Variants in STK17A observed in about 807,000 individuals in gnomAD.
STK17A encodes serine/threonine kinase 17a, also known as serine/threonine-protein kinase 17A.
STK17A carries 26 observed loss-of-function variants against 43.7 expected under a neutral mutation model. The observed-to-expected ratio is 0.60, with a 90% CI of 0.44 to 0.83. The LOEUF (loss-of-function observed/expected upper bound fraction) is 0.83. Among genes scored for constraint, STK17A ranks in the 40% least tolerant of loss-of-function variants. The pLI is 0.00. For missense variants in STK17A, 476 were observed against 511.6 expected (o/e 0.93, Z 0.67); for synonymous variants, 191 against 182.5 (o/e 1.05, Z -0.38).
intron 2 of STK17A, 72 bp from the exon 3 acceptor site, chr7:43,608,184 C>A: frequency 7.1e-7 from 1 of 1,408,800 alleles, no homozygotes; most frequent in East Asian, 2.4e-5. Context: ...AATTAATTTA[C>A]TCTGTAGTTT....
chr7:43,593,571 C>G (rs1469347125), intron 1 of STK17A, among the ~76,000 whole-genome samples: 1 of 152,070 alleles, frequency 6.6e-6, no homozygotes, highest in Non-Finnish European at 1.5e-5. Context: ...TTACTAATAG[C>G]CATTCCAACT....
At chr7:43,610,577 G>C (rs2082769624) in intron 3 of STK17A, among the ~76,000 whole-genome samples, 1 of 151,962 alleles carries the variant, frequency 6.6e-6, no homozygotes, top group African/African-American at 2.4e-5. Context: ...TGAGGGGGGA[G>C]AATCGCTTGA....
At chr7:43,591,380 T>C (rs895901761) in intron 1 of STK17A, among the ~76,000 whole-genome samples, 2 of 151,588 alleles carry the variant, frequency 1.3e-5, no homozygotes, top group African/African-American at 4.8e-5. Flanking sequence ...ACCCATTCAT[T>C]TACCTTTCTT....
At chr7:43,603,106 G>A (rs1285299460) in intron 2 of STK17A, among the ~76,000 whole-genome samples, 3 of 152,040 alleles carry the variant, frequency 2.0e-5, no homozygotes, top group Non-Finnish European at 2.9e-5. Context: ...GGTCACCCTG[G>A]TTTCAATCCT....
chr7:43,624,630 G>C lies in STK17A; in HGVS notation c.1033G>C (p.Glu345Gln), dbSNP rs1043074470. The change falls in exon 7 of 7, where the codon GAA becomes CAA. Residue 345 changes from glutamate to glutamine, a missense_variant. Transcript: ENST00000319357. ...KALEEANALQ[E>Q]GHSVPEINSD... Reference sequence around the variant, plus strand: ...ACTAGAAGAAGCAAATGCCCTCCAAGAAGGTCATTCTGTGCCTGAAATTAA... The same window carrying C: ...ACTAGAAGAAGCAAATGCCCTCCAACAAGGTCATTCTGTGCCTGAAATTAA... The C allele has an allele frequency of 2.5e-6, 4 of 1,614,096 alleles. No homozygotes were observed. The South Asian group carries it at 3.3e-5, about 13-fold the overall frequency.
At chr7:43,610,682 A>G (rs574986537) in intron 3 of STK17A, among the ~76,000 whole-genome samples, 8 of 152,282 alleles carry the variant, frequency 5.3e-5, no homozygotes, top group African/African-American at 1.9e-4. Flanking sequence ...AAGAACTGCT[A>G]TATGGCACAT....
chr7:43,611,910 CTAAT>C (rs1373707789), intron 3 of STK17A, among the ~76,000 whole-genome samples: 12 of 152,276 alleles, frequency 7.9e-5, no homozygotes, highest in African/African-American at 2.9e-4. Flanking sequence ...TATTCAAGAA[CTAAT>C]TAAGTAGCAA....
intron 2 of STK17A, among the ~76,000 whole-genome samples, chr7:43,596,368 T>C (rs1405002247): frequency 1.3e-5 from 2 of 152,246 alleles, no homozygotes; most frequent in Non-Finnish European, 2.9e-5. Context: ...ACAATTTTAT[T>C]AGAGGCATTC....
At chr7:43,623,504 T>TA in intron 4 of STK17A, 68 bp from the exon 5 acceptor site, 1 of 1,382,090 alleles carries the variant, frequency 7.2e-7, no homozygotes, top group Non-Finnish European at 1.0e-6. Context: ...CTTAGTTTTT[T>TA]ATCTCTTAGA....
chr7:43,597,775 A>G (rs891091983), intron 2 of STK17A, among the ~76,000 whole-genome samples: 34 of 152,116 alleles, frequency 2.2e-4, no homozygotes, highest in Admixed American at 7.2e-4. Flanking sequence ...TCTACAAAAA[A>G]TACAAAAATT....
At position 43,602,819 on chromosome 7, in the gene STK17A, C is replaced by G. The variant is rs2082564703; in HGVS notation, c.420-5437C>G. Among the ~76,000 whole-genome samples, 2 of 152,172 alleles carry G rather than the reference C, an allele frequency of 1.3e-5. 1 individual carries two copies. The highest frequency in any genetic ancestry group is 4.1e-4 in the South Asian group (2 of 4,834). The stretch of plus-strand genomic sequence containing the variant: ...TTTTGTTTCCAACCTCTGCCCCTTT[C>G]TTAAGCTCCAGCTGCCTGTTGCGTA... On this transcript the variant is annotated intron_variant, in intron 2 of 6. Coordinates refer to ENST00000319357, the MANE Select transcript of STK17A (RefSeq NM_004760.3).
chr7:43,620,245 A>C (rs2083738710), intron 4 of STK17A, among the ~76,000 whole-genome samples: 1 of 152,252 alleles, frequency 6.6e-6, no homozygotes, highest in Non-Finnish European at 1.5e-5. Context: ...TAGGCGTATC[A>C]TCAAAGAAGT....
At chr7:43,620,941 G>A (rs2083824848) in intron 4 of STK17A, among the ~76,000 whole-genome samples, 1 of 152,134 alleles carries the variant, frequency 6.6e-6, no homozygotes. Context: ...GAGGGTAGAA[G>A]TGTGAAGTGA....
At chr7:43,586,075 A>C (rs568552295) in intron 1 of STK17A, among the ~76,000 whole-genome samples, 1 of 151,654 alleles carries the variant, frequency 6.6e-6, no homozygotes, top group Admixed American at 6.6e-5. Flanking sequence ...TTTTCCAACA[A>C]TTAACTCTGG....
intron 2 of STK17A, among the ~76,000 whole-genome samples, chr7:43,606,916 CTTTTTT>C (rs71011933): frequency 4.8e-5 from 3 of 62,638 alleles, no homozygotes; most frequent in South Asian, 6.5e-4. Flanking sequence ...TTTCGATTTT[CTTTTTT>C]TTTTTTTTTT....
chr7:43,621,709 G>C (rs922616668), intron 4 of STK17A, among the ~76,000 whole-genome samples: 1 of 152,052 alleles, frequency 6.6e-6, no homozygotes, highest in Non-Finnish European at 1.5e-5. Context: ...AGAGCTTTCT[G>C]TTCCTTAGTA....
Position 43,624,890 on chromosome 7 carries a change from ATAT to A in STK17A, c.*53_*55del. 6.7e-7 allele frequency: 1 copy of A among 1,487,024 alleles called. No homozygotes were observed. Among genetic ancestry groups the A allele is most frequent in the East Asian group, 2.3e-5 (1 of 43,824 alleles). 92.1% of individuals were successfully genotyped at this position (1,487,024 alleles called of 1,614,324 possible). A position where few individuals can be genotyped will look rare whatever the true frequency, so the allele number is the denominator to read the frequency against. On this transcript the variant is annotated 3_prime_UTR_variant, in exon 7 of 7. Transcript: ENST00000319357. ...CAAGATTTCTACATTGAAAATGTTA[ATAT>A]TATTTATGGACCTCTGGCCAAATGG...
chr7:43,617,553 A>T (rs1164969380), intron 3 of STK17A, among the ~76,000 whole-genome samples: 1 of 152,200 alleles, frequency 6.6e-6, no homozygotes, highest in Non-Finnish European at 1.5e-5. Flanking sequence ...TGATCATAGC[A>T]TTCACTGAGA....
At chr7:43,616,160 T>C (rs1186034993) in intron 3 of STK17A, among the ~76,000 whole-genome samples, 2 of 152,246 alleles carry the variant, frequency 1.3e-5, no homozygotes, top group African/African-American at 2.4e-5. Flanking sequence ...TCTGCTCACA[T>C]ATCTCCTCTG....
Sources: gnomAD v4.1 joint callset for allele counts (sites outside exome capture counted in the v4.1 genomes callset) on GRCh38, gnomAD v4.1.1 for gene constraint, MANE v1.5 for transcripts, NCBI Gene and HGNC (gene_info 2026-07-23, HGNC 2026-07-21) for gene names.